The following RPAP3 variants were observed in gnomAD, a reference collection of about 807,000 sequenced individuals.
RPAP3 encodes the protein RNA polymerase II associated protein 3.
A neutral mutation model predicts 88.8 loss-of-function variants in RPAP3; 58 were observed. That is an observed-to-expected ratio of 0.65 (90% CI 0.53 to 0.81). RPAP3 has a LOEUF of 0.81. RPAP3 is among the 40% of genes least tolerant of loss of function. The probability of loss-of-function intolerance (pLI) is 0.00; values close to 1 mark genes in which losing one functional copy is unlikely to be tolerated. For synonymous variants in RPAP3, 255 were observed against 259.9 expected (o/e 0.98, Z 0.18); for missense variants, 751 against 764.3 (o/e 0.98, Z 0.20).
chr12:47,702,060 T>C (rs1193528347), intron 2 of RPAP3, among the ~76,000 whole-genome samples: 1 of 152,234 alleles, frequency 6.6e-6, no homozygotes, highest in Non-Finnish European at 1.5e-5. Flanking sequence ...GGTATGTTAA[T>C]ATATCATTAG....
At chr12:47,690,376 TATC>T (rs753736712) in intron 6 of RPAP3, 139 bp downstream of exon 6, 1 of 600,394 alleles carries the variant, frequency 1.7e-6, no homozygotes, top group Non-Finnish European at 2.6e-6. Flanking sequence ...AACATCAAGA[TATC>T]ATTTCAGTTG....
At chr12:47,700,747 G>T (rs1327411797) in intron 3 of RPAP3, among the ~76,000 whole-genome samples, 1 of 152,206 alleles carries the variant, frequency 6.6e-6, no homozygotes, top group Non-Finnish European at 1.5e-5. Context: ...TCCCAGTCTA[G>T]AAGGGTAAAG....
chr12:47,685,430 G>A (rs918129000), intron 9 of RPAP3, among the ~76,000 whole-genome samples: 1 of 151,644 alleles, frequency 6.6e-6, no homozygotes, highest in African/African-American at 2.4e-5. Flanking sequence ...ACGGTTACTG[G>A]TATCTCAAAA....
intron 12 of RPAP3, among the ~76,000 whole-genome samples, chr12:47,676,182 G>GT (rs1326532388): frequency 6.6e-6 from 1 of 152,170 alleles, no homozygotes; most frequent in African/African-American, 2.4e-5. Flanking sequence ...AAATAAAGAT[G>GT]TTCTTGGAAA....
In RPAP3 at chr12:47,670,264, C is replaced by A; in HGVS notation, c.1369G>T (p.Ala457Ser). 6.2e-7 allele frequency: 1 copy of A among 1,613,288 alleles called. No homozygotes were observed. Among genetic ancestry groups the A allele is most frequent in the Non-Finnish European group, 8.5e-7 (1 of 1,179,362 alleles). Residue 457 changes from alanine to serine, a missense_variant, in exon 13 of 17, where the codon GCT becomes TCT. Physicochemically the swap from Ala to Ser is moderately conservative, Grantham distance 99. Transcript: ENST00000005386. The stretch of plus-strand genomic sequence containing the variant: ...AGATTAATAGGATTATTCTCTGGAG[C>A]AGCAGCAGTAGTGCTATCTGGCACA... Reference protein sequence around the residue: ...IDVPDSTTAAAPENNPINLAN... With the variant: ...IDVPDSTTAASPENNPINLAN...
intron 9 of RPAP3, 24 bp downstream of exon 9, chr12:47,686,756 C>A: frequency 6.7e-7 from 1 of 1,483,564 alleles, no homozygotes; most frequent in South Asian, 1.4e-5. Context: ...TCCTGAACAG[C>A]ACTAAAATGT....
At chr12:47,697,569 A>G (rs777843998) in intron 4 of RPAP3, 28 bp downstream of exon 4, 2 of 1,579,254 alleles carry the variant, frequency 1.3e-6, no homozygotes, top group Non-Finnish European at 1.7e-6. Flanking sequence ...GCTTACATGA[A>G]AAAAAACAAA....
intron 16 of RPAP3, among the ~76,000 whole-genome samples, chr12:47,664,119 G>A (rs915677409): frequency 1.3e-5 from 2 of 152,182 alleles, no homozygotes; most frequent in Admixed American, 6.5e-5. Context: ...GCCAGGCGTG[G>A]TGGTTCACGC....
chr12:47,669,283 T>G (rs189692146), intron 13 of RPAP3, among the ~76,000 whole-genome samples, 181 bp from the exon 14 acceptor site: 6 of 152,358 alleles, frequency 3.9e-5, no homozygotes, highest in African/African-American at 1.4e-4. Flanking sequence ...AAACAGATTA[T>G]GCTCTTGCAA....
In RPAP3 at chr12:47,667,945, A is replaced by G; in HGVS notation, c.1714-94T>C. 1.7e-5 allele frequency: 14 copies of G among 830,642 alleles called. No homozygotes were observed. The South Asian group carries it at 2.5e-4, about 15-fold the overall frequency. The allele number at this position is 830,642 out of a possible 1,614,324, so 51.5% of individuals were successfully genotyped here. A position where few individuals can be genotyped will look rare whatever the true frequency, so the allele number is the denominator to read the frequency against. On this transcript the variant is annotated intron_variant, in intron 14 of 16. Transcript: ENST00000005386. The stretch of plus-strand genomic sequence containing the variant: ...GCTTGGGTAAAAATAGTAAAGAATA[A>G]CTACTTTGGGAGGCCAAGGTGGGAG...
intron 8 of RPAP3, 69 bp downstream of exon 8, chr12:47,687,807 T>C (rs1939353651): frequency 4.7e-6 from 7 of 1,497,256 alleles, no homozygotes; most frequent in Admixed American, 2.1e-5. Context: ...AGAAATTAAC[T>C]GATATACAAG....
At chr12:47,668,576 A>G (rs957910061) in intron 14 of RPAP3, among the ~76,000 whole-genome samples, 6 of 152,232 alleles carry the variant, frequency 3.9e-5, no homozygotes, top group Non-Finnish European at 7.4e-5. Context: ...AGCAAATATT[A>G]GAAGAATGAT....
intron 3 of RPAP3, 106 bp from the exon 4 acceptor site, chr12:47,697,825 A>G (rs1469061102): frequency 1.9e-6 from 2 of 1,054,116 alleles, no homozygotes; most frequent in African/African-American, 1.7e-5. Context: ...AATTGTTACA[A>G]TCTAAGGACC....
At chr12:47,701,688 T>C in intron 2 of RPAP3, 84 bp from the exon 3 acceptor site, 1 of 1,094,944 alleles carries the variant, frequency 9.1e-7, no homozygotes, top group Non-Finnish European at 1.2e-6. Context: ...AAATTCTCAC[T>C]ATATTTTCTT....
Position 47,670,246 on chromosome 12 carries a change from T to C in RPAP3, c.1387A>G (p.Ile463Val), listed in dbSNP as rs1938968320. The C allele has an allele frequency of 2.5e-6, 4 of 1,613,680 alleles. No homozygotes were observed. Among genetic ancestry groups the C allele is most frequent in the African/African-American group, 1.3e-5 (1 of 75,068 alleles). Residue 463 changes from isoleucine to valine, a missense_variant, in exon 13 of 17, where the codon ATT becomes GTT. Physicochemically the swap from Ile to Val is conservative, Grantham distance 29 (BLOSUM62 3). Transcript: ENST00000005386. ...GCTGCTATTACATTTGCTAGATTAA[T>C]AGGATTATTCTCTGGAGCAGCAGCA... ...TTAAAPENNP[I>V]NLANVIAATG...
Position 47,687,937 on chromosome 12 carries a change from C to A in RPAP3, c.803G>T (p.Gly268Val). 1 of 1,613,684 alleles carries A rather than the reference C, an allele frequency of 6.2e-7. No individual in the cohort carries two copies. Among genetic ancestry groups the A allele is most frequent in the Non-Finnish European group, 8.5e-7 (1 of 1,179,776 alleles). The change falls in exon 8 of 17, where the codon GGA becomes GTA. Residue 268 changes from glycine (G) to valine (V), a missense_variant. Coordinates refer to ENST00000005386, the MANE Select transcript of RPAP3 (RefSeq NM_024604.3). ...EADIVIKSTEGERKQIEAQQN... is the reference protein window; with the variant it reads ...EADIVIKSTEVERKQIEAQQN... ...TTGTGCTTCAATTTGCTTTCGCTCTCCTTCTGTTGACTTAATCACTATGTC... is the reference window on the plus strand; with the variant it reads ...TTGTGCTTCAATTTGCTTTCGCTCTACTTCTGTTGACTTAATCACTATGTC...
chr12:47,704,543 A>AT (rs63079361), intron 1 of RPAP3, among the ~76,000 whole-genome samples: 18,896 of 139,796 alleles, frequency 0.14, 1,529 homozygotes, highest in East Asian at 0.38. Context: ...TAATTTTTGT[A>AT]TTTTTTTTTT....
At chr12:47,686,936 T>TA (rs200292244) in intron 8 of RPAP3, 29 bp from the exon 9 acceptor site, 4,983 of 1,323,044 alleles carry the variant, frequency 3.8e-3, no homozygotes, top group South Asian at 6.2e-3. Flanking sequence ...ATATGGAGAA[T>TA]AAAAAAAAAA....
rs747952814 is a variant in RPAP3, at chr12:47,697,704, C to G, written c.310G>C (p.Glu104Gln). 1 of 1,600,882 alleles carries G rather than the reference C, an allele frequency of 6.2e-7. No homozygotes were observed. The highest frequency in any genetic ancestry group is 2.2e-5 in the East Asian group (1 of 44,460). Residue 104 changes from glutamate (E) to glutamine (Q), a missense_variant, in exon 4 of 17, where the codon GAG becomes CAG. Transcript: ENST00000005386. ...AKLDVDRILD[E>Q]LDKDDSTHES... Reference sequence around the variant, plus strand: ...TGGGTACTATCGTCTTTGTCAAGCTCATCAAGGATACGGTCCTAAAATCAA... The same window carrying G: ...TGGGTACTATCGTCTTTGTCAAGCTGATCAAGGATACGGTCCTAAAATCAA...
Sources: gnomAD v4.1 joint callset for allele counts (sites outside exome capture counted in the v4.1 genomes callset) on GRCh38, gnomAD v4.1.1 for gene constraint, MANE v1.5 for transcripts, NCBI Gene and HGNC (gene_info 2026-07-23, HGNC 2026-07-21) for gene names.